Variants in C4orf50 observed in about 807,000 individuals in gnomAD.
C4orf50 encodes the protein uncharacterized protein C4orf50.
C4orf50 carries 80 observed loss-of-function variants against 77.2 expected under a neutral mutation model. The ratio of observed to expected loss-of-function variants is 1.04; its 90% CI spans 0.87 to 1.25. The LOEUF (loss-of-function observed/expected upper bound fraction) is 1.25, where lower values mean the gene tolerates loss of function less well. Ranked by LOEUF, C4orf50 falls within the 50% of genes most tolerant of loss-of-function variation. The pLI is 0.00. For missense variants in C4orf50, 1,257 were observed against 1,152.9 expected, an observed-to-expected ratio of 1.09 and a Z score of -1.31; for synonymous variants, 532 against 465.3, an observed-to-expected ratio of 1.14 and a Z score of -1.84.
chr4:5,911,861 C>T (rs1043721306), intron 7 of C4orf50, among the ~76,000 whole-genome samples: 4 of 152,174 alleles, frequency 2.6e-5, no homozygotes, highest in Non-Finnish European at 5.9e-5. Context: ...TCCTGGCCAA[C>T]ATGGTGAAAC....
At chr4:5,996,452 G>A (rs1298033935) in intron 25 of C4orf50, among the ~76,000 whole-genome samples, 66 of 83,598 alleles carry the variant, frequency 7.9e-4, no homozygotes, top group Non-Finnish European at 2.4e-4. Context: ...CCTCCACCCC[G>A]CTACCACCAC....
At chr4:5,899,827 G>A (rs1288161803) in intron 7 of C4orf50, 1 of 152,242 alleles carries the variant, frequency 6.6e-6, no homozygotes, top group Non-Finnish European at 1.5e-5. Context: ...CCTGGAGAGA[G>A]GCTTGGGCAT....
rs1721785401 is a variant in C4orf50, at chr4:6,000,446, C to T, written c.964-5970G>A. On this transcript the variant is annotated intron_variant, in intron 25 of 33. Transcript: ENST00000531445. This position sits in a 1 kb window ranked among gnomAD's most constrained non-coding sequence, Gnocchi z 6.0. The stretch of plus-strand genomic sequence containing the variant: ...CCCTCTCAGGAGGAATTCTTCCTTT[C>T]CAGGCAGCCCTTTTTGACCTCAAGA... 6.6e-6 allele frequency among the ~76,000 whole-genome samples: 1 copy of T among 152,200 alleles called. No homozygotes were observed. Among genetic ancestry groups the T allele is most frequent in the South Asian group, 2.1e-4 (1 of 4,826 alleles).
intron 25 of C4orf50, among the ~76,000 whole-genome samples, chr4:5,996,449 C>G (rs1374709967): frequency 6.6e-6 from 1 of 151,958 alleles, no homozygotes; most frequent in African/African-American, 2.4e-5. Flanking sequence ...CCACCTCCAC[C>G]CCGCTACCAC....
chr4:5,995,550 G>C (rs1401881436), intron 25 of C4orf50, among the ~76,000 whole-genome samples: 2 of 149,486 alleles, frequency 1.3e-5, no homozygotes, highest in Non-Finnish European at 3.0e-5. Context: ...CGAGGGGCTG[G>C]GCACAGGTCT....
At position 6,008,572 on chromosome 4, in the gene C4orf50, A is replaced by G; in HGVS notation, c.427-40T>C. On this transcript the variant is annotated intron_variant, in intron 24 of 33. Coordinates refer to ENST00000531445, the Ensembl canonical transcript of C4orf50. This position sits in a 1 kb window ranked among gnomAD's most constrained non-coding sequence, Gnocchi z 6.0. ...TGGATGAGGGCGTCAGCAAGCCCAAAGGACACACCATGGTTCACATTGGTC... is the reference window on the plus strand; with the variant it reads ...TGGATGAGGGCGTCAGCAAGCCCAAGGGACACACCATGGTTCACATTGGTC... The G allele has an allele frequency of 2.5e-6, 1 of 397,340 alleles. No homozygotes were observed. Among genetic ancestry groups the G allele is most frequent in the Non-Finnish European group, 4.4e-6 (1 of 225,162 alleles). The allele number at this position is 397,340 out of a possible 1,614,324, so 24.6% of individuals were successfully genotyped here. A position where few individuals can be genotyped will look rare whatever the true frequency, so the allele number is the denominator to read the frequency against.
At chr4:5,903,984 TG>T (rs1261984553) in intron 7 of C4orf50, 6 of 152,234 alleles carry the variant, frequency 3.9e-5, no homozygotes, top group Admixed American at 3.9e-4. Context: ...TAATGTGATA[TG>T]GGGCCTGCCT....
At chr4:5,953,923 C>G (rs1280641611), downstream of C4orf50, among the ~76,000 whole-genome samples, 2 of 152,242 alleles carry the variant, frequency 1.3e-5, no homozygotes, top group Non-Finnish European at 2.9e-5. Flanking sequence ...TCTAGACAGG[C>G]ACAGCCCAAG....
chr4:5,979,470 G>A, intron 29 of C4orf50, among the ~76,000 whole-genome samples: 1 of 152,194 alleles, frequency 6.6e-6, no homozygotes, highest in East Asian at 1.9e-4. Context: ...TTTCAAACAT[G>A]TACACATACA....
intron 30 of C4orf50, among the ~76,000 whole-genome samples, chr4:5,975,552 C>A (rs1199215932): frequency 6.6e-6 from 1 of 152,042 alleles, no homozygotes; most frequent in African/African-American, 2.4e-5. Context: ...CACTCTGTTG[C>A]CCAAGCTGGA....
At chr4:5,917,437 T>C (rs187320772) in intron 7 of C4orf50, among the ~76,000 whole-genome samples, 1,824 of 128,706 alleles carry the variant, frequency 0.014, 39 homozygotes, top group African/African-American at 0.048. Flanking sequence ...TTTTTTGAGA[T>C]GGAGTCTCGC....
In C4orf50 at chr4:5,908,194, T is replaced by C. The variant is rs1716639945; in HGVS notation, c.*2475-10006A>G. ...GACACATGTGTCCTCAAGGGCCTTA[T>C]ATCTGAGTGAGTAAAACAGACAAGC... On this transcript the variant is annotated intron_variant, in intron 7 of 7. Coordinates refer to the C4orf50 transcript ENST00000324058. This position sits in a 1 kb window ranked among gnomAD's most constrained non-coding sequence, Gnocchi z 5.6. 6.6e-6 allele frequency among the ~76,000 whole-genome samples: 1 copy of C among 152,200 alleles called. No individual in the cohort carries two copies. The highest frequency in any genetic ancestry group is 2.4e-5 in the African/African-American group (1 of 41,466).
chr4:5,905,942 T>A lies in C4orf50; in HGVS notation c.*2475-7754A>T, dbSNP rs915253288. 8.6e-5 allele frequency among the ~76,000 whole-genome samples: 13 copies of A among 151,928 alleles called. No homozygotes were observed. The highest frequency in any genetic ancestry group is 1.8e-4 in the Non-Finnish European group (12 of 68,010). On this transcript the variant is annotated intron_variant, in intron 7 of 7. Transcript: ENST00000324058. This position sits in a 1 kb window ranked among gnomAD's most constrained non-coding sequence, Gnocchi z 5.4. Reference sequence around the variant, plus strand: ...GGGGGGCGGGGGGCAGAGGGACGGATGCCCTGCTTGCCCTCCTCACGTTAC... The same window carrying A: ...GGGGGGCGGGGGGCAGAGGGACGGAAGCCCTGCTTGCCCTCCTCACGTTAC...
intron 29 of C4orf50, among the ~76,000 whole-genome samples, chr4:5,979,345 T>C (rs977804984): frequency 6.6e-6 from 1 of 152,214 alleles, no homozygotes; most frequent in Non-Finnish European, 1.5e-5. Flanking sequence ...CATGATGACA[T>C]AATACACACG....
chr4:6,005,237 G>C (rs1388158070), intron 25 of C4orf50, among the ~76,000 whole-genome samples: 1 of 152,210 alleles, frequency 6.6e-6, no homozygotes, highest in Non-Finnish European at 1.5e-5. Flanking sequence ...GCTGATGAGA[G>C]ACCGAGGCAG....
At position 5,905,882 on chromosome 4, in the gene C4orf50, G is replaced by A. The variant is rs1007319867; in HGVS notation, c.*2475-7694C>T. 1.8e-4 allele frequency among the ~76,000 whole-genome samples: 28 copies of A among 151,506 alleles called. No individual in the cohort carries two copies. The highest frequency in any genetic ancestry group is 1.8e-3 in the Admixed American group (28 of 15,210). ...TCCAACAAAAAGTGATGGGACACCTGCTGTGTGGTAATCTCTATGCTAAGC... is the reference window on the plus strand; with the variant it reads ...TCCAACAAAAAGTGATGGGACACCTACTGTGTGGTAATCTCTATGCTAAGC... On this transcript the variant is annotated intron_variant, in intron 7 of 7. Coordinates refer to the C4orf50 transcript ENST00000324058. This position sits in a 1 kb window ranked among gnomAD's most constrained non-coding sequence, Gnocchi z 5.4.
intron 26 of C4orf50, among the ~76,000 whole-genome samples, chr4:5,993,861 A>T (rs569708593): frequency 0.11 from 12,692 of 113,174 alleles, 629 homozygotes; most frequent in African/African-American, 0.18. Context: ...AATAAATAAA[A>T]AAAAAAAAGA....
chr4:5,923,042 A>G (rs1717351782), intron 7 of C4orf50, among the ~76,000 whole-genome samples: 1 of 152,202 alleles, frequency 6.6e-6, no homozygotes, highest in Non-Finnish European at 1.5e-5. Flanking sequence ...TGGGAGCCCA[A>G]AGAAACTCTA....
intron 25 of C4orf50, among the ~76,000 whole-genome samples, chr4:6,006,301 G>A (rs1722251159): frequency 6.6e-6 from 1 of 152,188 alleles, no homozygotes; most frequent in East Asian, 1.9e-4. Flanking sequence ...TTGGGCTAAG[G>A]TTGCTCACTC....
Sources: gnomAD v4.1 joint callset for allele counts (sites outside exome capture counted in the v4.1 genomes callset) on GRCh38, gnomAD v4.1.1 for gene constraint, Gnocchi (gnomAD v3.1) non-coding constraint, MANE v1.5 for transcripts, NCBI Gene and HGNC (gene_info 2026-07-23, HGNC 2026-07-21) for gene names.